The following SLC35D1 variants were observed in gnomAD, a reference collection of about 807,000 sequenced individuals.
The protein encoded by SLC35D1 is solute carrier family 35 member D1.
A neutral mutation model predicts 46.7 loss-of-function variants in SLC35D1; 31 were observed. The ratio of observed to expected loss-of-function variants is 0.66; its 90% CI spans 0.50 to 0.90. The LOEUF (loss-of-function observed/expected upper bound fraction) is 0.90, where lower values mean the gene tolerates loss of function less well. Among genes scored for constraint, SLC35D1 ranks in the 40% least tolerant of loss-of-function variants. The pLI is 0.00. For missense variants in SLC35D1, 397 were observed against 426.2 expected (o/e 0.93, Z 0.60); for synonymous variants, 195 against 164.6 (o/e 1.18, Z -1.41).
At chr1:67,053,748 G>T in intron 1 of SLC35D1, 63 bp downstream of exon 1, 1 of 1,381,750 alleles carries the variant, frequency 7.2e-7, no homozygotes, top group Non-Finnish European at 9.4e-7. Flanking sequence ...GGGAGCCGGC[G>T]CCGCGCCGCC....
chr1:66,991,983 C>T, the SLC35D1 span, among the ~76,000 whole-genome samples: 1 of 152,038 alleles, frequency 6.6e-6, no homozygotes, highest in Non-Finnish European at 1.5e-5. Context: ...AAATGGGATA[C>T]CTTAAAGGGA....
chr1:67,004,060 A>G lies in SLC35D1; in HGVS notation c.*280T>C. The G allele has an allele frequency of 2.7e-6, 1 of 366,610 alleles. No individual in the cohort carries two copies. The highest frequency in any genetic ancestry group is 2.6e-5 in the South Asian group (1 of 38,130). 22.7% of individuals were successfully genotyped at this position (366,610 alleles called of 1,614,324 possible). A position where few individuals can be genotyped will look rare whatever the true frequency, so the allele number is the denominator to read the frequency against. On this transcript the variant is annotated 3_prime_UTR_variant, in exon 12 of 12. Transcript: ENST00000235345. Reference sequence around the variant, plus strand: ...GAAATAAAATACTTTCAAAACACTGATGTTTCACTGTCGGCATATAAGAAA... The same window carrying G: ...GAAATAAAATACTTTCAAAACACTGGTGTTTCACTGTCGGCATATAAGAAA...
At chr1:67,039,505 G>GTGTGTGTGTA (rs1177757743) in intron 8 of SLC35D1, among the ~76,000 whole-genome samples, 1 of 151,722 alleles carries the variant, frequency 6.6e-6, no homozygotes, top group African/African-American at 2.4e-5. Context: ...GTGTGTGTGT[G>GTGTGTGTGTA]TGTGTGTGTG....
chr1:67,036,723 T>C (rs1668131674), intron 8 of SLC35D1, among the ~76,000 whole-genome samples: 1 of 147,950 alleles, frequency 6.8e-6, no homozygotes, highest in African/African-American at 2.5e-5. Flanking sequence ...TTTTTTTTTT[T>C]CTTTTTTTAT....
In SLC35D1 at chr1:67,054,063, C is replaced by T. The variant is rs773690087; in HGVS notation, c.-50G>A. 12 of 1,584,134 alleles carry T rather than the reference C, an allele frequency of 7.6e-6. No homozygotes were observed. The East Asian group carries it at 2.0e-4, about 27-fold the overall frequency. ...GCGGCGGGGCCTAGCGGCTCGGGGG[C>T]CTGCAGCGGCAGCTCCCAGGGGACT... is the stretch of plus-strand genomic sequence containing the variant. On this transcript the variant is annotated 5_prime_UTR_variant, in exon 1 of 12. Transcript: ENST00000235345.
the SLC35D1 span, among the ~76,000 whole-genome samples, chr1:66,991,227 G>T: frequency 6.6e-6 from 1 of 152,298 alleles, no homozygotes; most frequent in Middle Eastern, 3.4e-3. Flanking sequence ...TCAAAGGGTT[G>T]CCTGGTTAAA....
intron 8 of SLC35D1, among the ~76,000 whole-genome samples, chr1:67,040,146 G>A (rs979589921): frequency 6.6e-6 from 1 of 151,828 alleles, no homozygotes; most frequent in South Asian, 2.1e-4. Context: ...AGACACACCC[G>A]ACCATTTGTG....
chr1:67,039,288 T>C (rs939496148), intron 8 of SLC35D1, among the ~76,000 whole-genome samples: 2 of 152,236 alleles, frequency 1.3e-5, no homozygotes, highest in South Asian at 2.1e-4. Context: ...GTCATTTATA[T>C]AAAAACTATC....
At chr1:66,987,618 C>T in the SLC35D1 span, 1 of 152,536 alleles carries the variant, frequency 6.6e-6, no homozygotes, top group Non-Finnish European at 1.5e-5. Context: ...TTCTCCCATT[C>T]CTTGTCTGCC....
rs2102224140 is a variant in SLC35D1, at chr1:67,003,732, G to C, written c.*608C>G. 6.5e-6 allele frequency: 1 copy of C among 154,340 alleles called. No homozygotes were observed. The highest frequency in any genetic ancestry group is 3.4e-3 in the Middle Eastern group (1 of 296). The allele number at this position is 154,340 out of a possible 1,614,324, so 9.6% of individuals were successfully genotyped here. ...CAACAAAAAAAGAACATGTTTTCAA[G>C]GAATGCACTCTGCTCATCCTATGAA... On this transcript the variant is annotated 3_prime_UTR_variant, in exon 12 of 12. Coordinates refer to ENST00000235345, the MANE Select transcript of SLC35D1 (RefSeq NM_015139.3).
chr1:67,004,333 C>T lies in SLC35D1; in HGVS notation c.*7G>A, dbSNP rs1667402332. The T allele has an allele frequency of 6.2e-7, 1 of 1,613,088 alleles. No individual in the cohort carries two copies. The highest frequency in any genetic ancestry group is 8.5e-7 in the Non-Finnish European group (1 of 1,179,130). On this transcript the variant is annotated 3_prime_UTR_variant, in exon 12 of 12. Transcript: ENST00000235345. Reference sequence around the variant, plus strand: ...AGGCCTACGTATCAGATGAAGCAATCCTCTGGTCACACTGCTCCTTTCCCC... The same window carrying T: ...AGGCCTACGTATCAGATGAAGCAATTCTCTGGTCACACTGCTCCTTTCCCC...
chr1:67,025,222 AT>A (rs1342331243), intron 8 of SLC35D1, among the ~76,000 whole-genome samples: 4 of 152,240 alleles, frequency 2.6e-5, no homozygotes, highest in African/African-American at 9.6e-5. Context: ...GAGGGACACA[AT>A]TTAACCTATA....
Position 67,053,799 on chromosome 1 carries a change from C to A in SLC35D1, c.203+12G>T, listed in dbSNP as rs200679737. On this transcript the variant is annotated intron_variant, in intron 1 of 11. Coordinates refer to ENST00000235345, the MANE Select transcript of SLC35D1 (RefSeq NM_015139.3). ...TCCTCCGCGGCCTGGGCCGCCGCCG[C>A]CTCGGCCCTACCTGTAATTGGTGAG... The A allele has an allele frequency of 7.4e-4, 1,179 of 1,582,576 alleles. 11 individuals carry two copies. The highest frequency in any genetic ancestry group is 5.4e-3 in the South Asian group (468 of 86,940).
At chr1:67,015,087 C>T (rs753301557) in intron 10 of SLC35D1, among the ~76,000 whole-genome samples, 19 of 139,864 alleles carry the variant, frequency 1.4e-4, no homozygotes, top group Admixed American at 2.9e-4. Flanking sequence ...CAATTCCATA[C>T]GCAAAGTATA....
chr1:66,973,624 A>G, the SLC35D1 span, among the ~76,000 whole-genome samples: 1 of 152,062 alleles, frequency 6.6e-6, no homozygotes, highest in Non-Finnish European at 1.5e-5. Flanking sequence ...TTGGGGCTTA[A>G]TTCTTATAAC....
chr1:67,036,261 C>A (rs1313484147), intron 8 of SLC35D1, among the ~76,000 whole-genome samples: 2 of 152,062 alleles, frequency 1.3e-5, no homozygotes, highest in Non-Finnish European at 2.9e-5. Context: ...AAGATCTGTC[C>A]AATGCTGAAA....
chr1:67,043,559 C>T (rs1353931567), intron 7 of SLC35D1, among the ~76,000 whole-genome samples: 2 of 152,068 alleles, frequency 1.3e-5, no homozygotes, highest in Non-Finnish European at 2.9e-5. Context: ...ACAAAACAAA[C>T]AAAAAGCACA....
intron 10 of SLC35D1, among the ~76,000 whole-genome samples, chr1:67,015,251 GTTTAAA>G (rs1274327380): frequency 1.4e-5 from 2 of 144,932 alleles, no homozygotes; most frequent in African/African-American, 5.1e-5. Flanking sequence ...TTTTAAAAAT[GTTTAAA>G]TTTAAGAGGC....
At chr1:67,037,554 G>A (rs1198871627) in intron 8 of SLC35D1, among the ~76,000 whole-genome samples, 4 of 152,160 alleles carry the variant, frequency 2.6e-5, no homozygotes, top group African/African-American at 9.7e-5. Context: ...ACTTGGTAAT[G>A]TCTACAATGA....
Sources: allele counts gnomAD v4.1 joint callset (sites outside exome capture counted in the v4.1 genomes callset), GRCh38; gene constraint gnomAD v4.1.1; transcripts MANE v1.5; gene names NCBI Gene and HGNC (gene_info 2026-07-23, HGNC 2026-07-21).